Variants in FIBCD1 observed in about 807,000 individuals in gnomAD.
FIBCD1 encodes fibrinogen C domain-containing protein 1.
A neutral mutation model predicts 45.1 loss-of-function variants in FIBCD1; 47 were observed. The observed-to-expected ratio is 1.04, with a 90% CI of 0.82 to 1.33. The LOEUF is 1.33. FIBCD1 is among the 40% of genes most tolerant of loss of function. The pLI, the probability that FIBCD1 is intolerant of heterozygous loss-of-function variation, is 0.00. For synonymous variants in FIBCD1, 313 were observed against 308.1 expected (o/e 1.02, Z -0.17); for missense variants, 653 against 682.2 (o/e 0.96, Z 0.48).
intron 4 of FIBCD1, among the ~76,000 whole-genome samples, chr9:130,914,939 C>T (rs1223438645): frequency 6.6e-6 from 1 of 152,242 alleles, no homozygotes; most frequent in Non-Finnish European, 1.5e-5. Context: ...AGCCCAGGCA[C>T]CCCACCCTTA....
chr9:130,911,969 G>A (rs1832061675), intron 4 of FIBCD1, 81 bp from the exon 5 acceptor site: 1 of 1,306,362 alleles, frequency 7.7e-7, no homozygotes, highest in Non-Finnish European at 1.1e-6. Flanking sequence ...CCCGCCCAGA[G>A]ACTCCCCTCA....
chr9:130,909,194 G>A (rs535357614), intron 5 of FIBCD1, among the ~76,000 whole-genome samples: 59 of 151,952 alleles, frequency 3.9e-4, no homozygotes, highest in Middle Eastern at 3.4e-3. Flanking sequence ...GCTCTGCCCC[G>A]CACTGGGGAA....
At chr9:130,905,463 A>G in intron 5 of FIBCD1, 50 bp from the exon 6 acceptor site, 8 of 1,548,160 alleles carry the variant, frequency 5.2e-6, no homozygotes, top group Non-Finnish European at 7.0e-6. Context: ...GTAGGAAGCG[A>G]CTCCCCAGGG....
intron 4 of FIBCD1, among the ~76,000 whole-genome samples, chr9:130,916,721 G>A (rs181759821): frequency 6.6e-6 from 1 of 152,384 alleles, no homozygotes; most frequent in East Asian, 1.9e-4. Flanking sequence ...GGAGGACAGA[G>A]GGAGGAAGTA....
At chr9:130,933,637 C>T (rs1318409221) in intron 1 of FIBCD1, among the ~76,000 whole-genome samples, 1 of 147,822 alleles carries the variant, frequency 6.8e-6, no homozygotes, top group Non-Finnish European at 1.5e-5. Flanking sequence ...CAGGCAGCCC[C>T]CGGTGGTGTC....
chr9:130,927,699 C>T (rs1041205523), intron 2 of FIBCD1, among the ~76,000 whole-genome samples: 3 of 152,218 alleles, frequency 2.0e-5, no homozygotes, highest in East Asian at 1.9e-4. Context: ...GACAGAGTCT[C>T]GCTCTGTTGC....
chr9:130,936,974 T>G (rs199497662), intron 1 of FIBCD1, among the ~76,000 whole-genome samples: 3 of 4,776 alleles, frequency 6.3e-4, no homozygotes, highest in African/African-American at 2.7e-3. Context: ...AGTGAAGGGG[T>G]GTGTGTGTGT....
At chr9:130,906,496 G>A (rs77674039) in intron 5 of FIBCD1, among the ~76,000 whole-genome samples, 2,179 of 152,252 alleles carry the variant, frequency 0.014, 37 homozygotes, top group African/African-American at 0.049. Flanking sequence ...AGCTACTGTG[G>A]GAGGAGTCAC....
intron 5 of FIBCD1, among the ~76,000 whole-genome samples, chr9:130,910,059 AG>A (rs1182379950): frequency 1.3e-5 from 2 of 152,138 alleles, no homozygotes; most frequent in Non-Finnish European, 2.9e-5. Flanking sequence ...GCGCTGTGGG[AG>A]CCCCTTTCTG....
chr9:130,938,716 C>T lies in FIBCD1; in HGVS notation c.-109G>A. The T allele has an allele frequency of 1.7e-6, 1 of 582,824 alleles. No homozygotes were observed. Among genetic ancestry groups the T allele is most frequent in the African/African-American group, 2.0e-5 (1 of 49,698 alleles). The allele number at this position is 582,824 out of a possible 1,614,324, so 36.1% of individuals were successfully genotyped here. On this transcript the variant is annotated 5_prime_UTR_variant, in exon 1 of 7. Coordinates refer to ENST00000372338, the MANE Select transcript of FIBCD1 (RefSeq NM_032843.5). ...CGGGGCGCGCTCTGTCCGCCGGGTC[C>T]CCGCCTCTGTGCCCCGCGCCGGGGC...
upstream of FIBCD1, chr9:130,939,426 G>C (rs1832579294): frequency 6.6e-6 from 1 of 152,222 alleles, no homozygotes. Context: ...AGTGCGCCCA[G>C]CTGTGGGGTC....
Position 130,904,023 on chromosome 9 carries a change from G to C in FIBCD1, c.*41C>G. 1 of 1,602,214 alleles carries C rather than the reference G, an allele frequency of 6.2e-7. No individual in the cohort carries two copies. Among genetic ancestry groups the C allele is most frequent in the Non-Finnish European group, 8.5e-7 (1 of 1,175,194 alleles). On this transcript the variant is annotated 3_prime_UTR_variant, in exon 7 of 7. Coordinates refer to ENST00000372338, the MANE Select transcript of FIBCD1 (RefSeq NM_032843.5). ...AAGAGTGAGGTGGGGTCGGGGATGG[G>C]GCGACAGGGACCAGCAGGGCCAAGG...
rs138413890 is a variant in FIBCD1, at chr9:130,915,512, G to A, written c.850-3624C>T. On this transcript the variant is annotated intron_variant, in intron 4 of 6. Coordinates refer to ENST00000372338, the MANE Select transcript of FIBCD1 (RefSeq NM_032843.5). ...GAGGTCAGGAGTTCGAGACCAGCCT[G>A]GCCAACACGGTGAAACCCCGTCTCT... Among the ~76,000 whole-genome samples, 5 of 152,286 alleles carry A rather than the reference G, an allele frequency of 3.3e-5. No individual in the cohort carries two copies. The East Asian group carries it at 9.7e-4, about 29-fold the overall frequency.
chr9:130,917,335 G>A (rs964321197), intron 4 of FIBCD1, among the ~76,000 whole-genome samples: 7 of 152,222 alleles, frequency 4.6e-5, no homozygotes, highest in African/African-American at 1.7e-4. Flanking sequence ...GAAGCCCGCC[G>A]CCCGGCGCAC....
rs1490255061 is a variant in FIBCD1 at position 130,926,423 on chromosome 9, A to G, written c.553-2027T>C. ...ATCAGGGGAGGGCTGGACAGCGCTT[A>G]GCGGTAGTGGTGTCAGAGCTGCTGT... On this transcript the variant is annotated intron_variant, in intron 2 of 6. Coordinates refer to ENST00000372338, the MANE Select transcript of FIBCD1 (RefSeq NM_032843.5). This position sits in a 1 kb window ranked among gnomAD's most constrained non-coding sequence, Gnocchi z 4.1. Among the ~76,000 whole-genome samples, 1 of 152,222 alleles carries G rather than the reference A, an allele frequency of 6.6e-6. No individual in the cohort carries two copies. The highest frequency in any genetic ancestry group is 1.5e-5 in the Non-Finnish European group (1 of 68,042).
chr9:130,913,794 G>A (rs780960486), intron 4 of FIBCD1, among the ~76,000 whole-genome samples: 6 of 152,194 alleles, frequency 3.9e-5, no homozygotes, highest in Non-Finnish European at 8.8e-5. Context: ...GCCTGTTTCC[G>A]CAGGAGGAGG....
intron 5 of FIBCD1, among the ~76,000 whole-genome samples, chr9:130,910,266 G>A (rs1360856866): frequency 6.6e-6 from 1 of 152,212 alleles, no homozygotes; most frequent in East Asian, 1.9e-4. Flanking sequence ...TAGCACCTGG[G>A]CCAGCGGCTG....
chr9:130,930,121 C>T (rs754845828), intron 1 of FIBCD1, 75 bp from the exon 2 acceptor site: 84 of 1,448,420 alleles, frequency 5.8e-5, no homozygotes, highest in Non-Finnish European at 7.6e-5. Flanking sequence ...AGAGGCATAC[C>T]TGGGGTCAGA....
chr9:130,912,708 A>G (rs1166778158), intron 4 of FIBCD1, among the ~76,000 whole-genome samples: 1 of 151,864 alleles, frequency 6.6e-6, no homozygotes, highest in African/African-American at 2.4e-5. Context: ...CTGTCTGAAA[A>G]AAAAAAAAGG....
Sources: allele counts gnomAD v4.1 joint callset (sites outside exome capture counted in the v4.1 genomes callset), GRCh38; gene constraint gnomAD v4.1.1; non-coding constraint Gnocchi (gnomAD v3.1); transcripts MANE v1.5; gene names NCBI Gene and HGNC (gene_info 2026-07-23, HGNC 2026-07-21).